XKR9: variants seen among roughly 807,000 people sequenced by gnomAD.
The protein encoded by XKR9 is XK related 9.
Under a neutral mutation model 32.0 loss-of-function variants are expected in XKR9, and 32 were observed. The observed-to-expected ratio is 1.00, with a 90% CI of 0.76 to 1.34. The LOEUF (loss-of-function observed/expected upper bound fraction) is 1.34, where lower values mean the gene tolerates loss of function less well. Ranked by LOEUF, XKR9 falls within the 40% of genes most tolerant of loss-of-function variation. The pLI is 0.00. For synonymous variants in XKR9, 168 were observed against 143.4 expected, an observed-to-expected ratio of 1.17 and a Z score of -1.22; for missense variants, 546 against 429.7, an observed-to-expected ratio of 1.27 and a Z score of -2.39.
chr8:70,692,902 A>G (rs1053488178), intron 3 of XKR9, among the ~76,000 whole-genome samples: 1 of 152,090 alleles, frequency 6.6e-6, no homozygotes, highest in African/African-American at 2.4e-5. Context: ...ATTTTGAGGT[A>G]TGTTCCTTCA....
At chr8:70,770,147 T>G (rs974916482) in intron 2 of XKR9, among the ~76,000 whole-genome samples, 11 of 152,138 alleles carry the variant, frequency 7.2e-5, no homozygotes, top group Admixed American at 2.6e-4. Context: ...TTTTTGTTGA[T>G]GTTGATGTTA....
intron 2 of XKR9, among the ~76,000 whole-genome samples, chr8:70,743,086 C>G (rs1430605084): frequency 6.6e-6 from 1 of 151,996 alleles, no homozygotes; most frequent in Admixed American, 6.6e-5. Flanking sequence ...TCCTGAGGCT[C>G]TGTTCATTTT....
At chr8:70,725,135 G>A (rs1476058437) in intron 4 of XKR9, among the ~76,000 whole-genome samples, 1 of 152,112 alleles carries the variant, frequency 6.6e-6, no homozygotes, top group Admixed American at 6.5e-5. Flanking sequence ...CATGAGAATA[G>A]CATGGGGGAA....
the XKR9 span, among the ~76,000 whole-genome samples, chr8:71,027,886 C>T: frequency 6.6e-6 from 1 of 151,880 alleles, no homozygotes; most frequent in East Asian, 1.9e-4. Context: ...ATCCTCCCAC[C>T]TCGGCCTTCA....
chr8:70,815,331 C>A, the XKR9 span, among the ~76,000 whole-genome samples: 2 of 152,010 alleles, frequency 1.3e-5, no homozygotes, highest in African/African-American at 4.8e-5. Flanking sequence ...CCACACTCTA[C>A]CCTCCAATAG....
the XKR9 span, among the ~76,000 whole-genome samples, chr8:70,864,049 T>G: frequency 3.7e-4 from 56 of 152,296 alleles, no homozygotes; most frequent in African/African-American, 1.3e-3. Flanking sequence ...ATACTTACAC[T>G]TTAGCTTTGT....
intron 1 of XKR9, among the ~76,000 whole-genome samples, chr8:70,674,177 A>T (rs1490845174): frequency 6.6e-6 from 1 of 152,174 alleles, no homozygotes; most frequent in Non-Finnish European, 1.5e-5. Context: ...TCTTAAAAAA[A>T]AGCATATGTG....
At chr8:70,936,963 C>A in the XKR9 span, among the ~76,000 whole-genome samples, 3 of 151,662 alleles carry the variant, frequency 2.0e-5, no homozygotes, top group African/African-American at 7.3e-5. Context: ...GTGAACTTTG[C>A]AGAGGAATAG....
chr8:71,063,565 A>AT, the XKR9 span, among the ~76,000 whole-genome samples: 7 of 151,820 alleles, frequency 4.6e-5, no homozygotes, highest in Non-Finnish European at 8.8e-5. Flanking sequence ...AAAAAAAAAA[A>AT]GAGAAAGAAA....
chr8:70,753,414 A>G (rs1372971944), intron 2 of XKR9, among the ~76,000 whole-genome samples: 3 of 152,084 alleles, frequency 2.0e-5, no homozygotes, highest in African/African-American at 4.8e-5. Context: ...AACTCATTTT[A>G]TGAGGCCAGC....
the XKR9 span, among the ~76,000 whole-genome samples, chr8:70,946,645 A>C: frequency 1.3e-5 from 2 of 152,222 alleles, no homozygotes; most frequent in Non-Finnish European, 2.9e-5. Context: ...CTCTTATTAC[A>C]GGATTCTAGG....
At chr8:70,840,150 G>A in the XKR9 span, among the ~76,000 whole-genome samples, 3 of 152,126 alleles carry the variant, frequency 2.0e-5, no homozygotes, top group Non-Finnish European at 4.4e-5. Flanking sequence ...CCTTGATGGG[G>A]CTAATTGCTG....
At chr8:70,745,649 G>A (rs186847095) in intron 2 of XKR9, among the ~76,000 whole-genome samples, 1 of 152,090 alleles carries the variant, frequency 6.6e-6, no homozygotes, top group Non-Finnish European at 1.5e-5. Context: ...GAGAATCCCC[G>A]TTGACTTTTG....
chr8:70,832,393 G>A, the XKR9 span, among the ~76,000 whole-genome samples: 3 of 152,074 alleles, frequency 2.0e-5, no homozygotes, highest in Non-Finnish European at 2.9e-5. Context: ...CACAAATAAC[G>A]TTTTGAGTGG....
the XKR9 span, among the ~76,000 whole-genome samples, chr8:71,033,478 T>C: frequency 6.6e-6 from 1 of 152,096 alleles, no homozygotes; most frequent in Non-Finnish European, 1.5e-5. Flanking sequence ...AGTGCTATGG[T>C]TTGGATGTGG....
At chr8:70,722,752 G>A (rs1027074507) in intron 4 of XKR9, among the ~76,000 whole-genome samples, 1 of 152,008 alleles carries the variant, frequency 6.6e-6, no homozygotes, top group African/African-American at 2.4e-5. Context: ...TTCAACCTTG[G>A]AGAATCTGAT....
chr8:70,862,696 T>A, the XKR9 span, among the ~76,000 whole-genome samples: 1 of 151,968 alleles, frequency 6.6e-6, no homozygotes, highest in Non-Finnish European at 1.5e-5. Context: ...GGGTGAAGAA[T>A]AAATATGTGT....
chr8:70,923,943 G>A, the XKR9 span, among the ~76,000 whole-genome samples: 1 of 151,888 alleles, frequency 6.6e-6, no homozygotes, highest in Non-Finnish European at 1.5e-5. Context: ...TCTCCTATTT[G>A]CTTCCTGTAT....
In XKR9 at chr8:70,715,648, G is replaced by A. The variant is rs374082612; in HGVS notation, c.493+8495G>A. ...TAGATTGAAAAAGTGAATAAAAATA[G>A]CTCACATCAAGCACATCATTATATC... On this transcript the variant is annotated intron_variant, in intron 4 of 4. Transcript: ENST00000408926. 7.2e-5 allele frequency among the ~76,000 whole-genome samples: 11 copies of A among 152,122 alleles called. No individual in the cohort carries two copies. In the East Asian group the frequency reaches 1.4e-3, roughly 19 times the overall value.
Sources: gnomAD v4.1 joint callset for allele counts (sites outside exome capture counted in the v4.1 genomes callset) on GRCh38, gnomAD v4.1.1 for gene constraint, MANE v1.5 for transcripts, NCBI Gene and HGNC (gene_info 2026-07-23, HGNC 2026-07-21) for gene names.